The following PCM1 variants were observed in gnomAD, a reference collection of about 807,000 sequenced individuals.
The protein encoded by PCM1 is pericentriolar material 1 protein.
In PCM1, 157 loss-of-function variants were observed where a neutral mutation model predicts 241.9. The ratio of observed to expected loss-of-function variants is 0.65; its 90% CI spans 0.57 to 0.74. PCM1 has a LOEUF of 0.74. Among genes scored for constraint, PCM1 ranks in the 30% least tolerant of loss-of-function variants. The pLI is 0.00. For missense variants in PCM1, 3,478 were observed against 2,360.1 expected (o/e 1.47, Z -9.81); for synonymous variants, 1,085 against 784.9 (o/e 1.38, Z -6.39).
At chr8:17,987,157 G>C (rs1371448599) in intron 26 of PCM1, among the ~76,000 whole-genome samples, 1 of 151,850 alleles carries the variant, frequency 6.6e-6, no homozygotes, top group African/African-American at 2.4e-5. Context: ...TTTGCAATGT[G>C]AAATGTAAAT....
At chr8:18,023,187 G>A (rs138660796) in intron 36 of PCM1, among the ~76,000 whole-genome samples, 1 of 152,180 alleles carries the variant, frequency 6.6e-6, no homozygotes, top group East Asian at 1.9e-4. Context: ...CACCTATATG[G>A]TCTGGACACT....
At chr8:17,965,852 C>G in intron 18 of PCM1, 147 bp from the exon 19 acceptor site, 3 of 564,940 alleles carry the variant, frequency 5.3e-6, no homozygotes, top group Non-Finnish European at 9.3e-6. Flanking sequence ...CTGGACTTCT[C>G]CCCCCTCTAT....
At chr8:18,021,080 A>G (rs1243765278) in intron 36 of PCM1, among the ~76,000 whole-genome samples, 1 of 152,216 alleles carries the variant, frequency 6.6e-6, no homozygotes, top group East Asian at 1.9e-4. Flanking sequence ...AGATCAAATC[A>G]CTCAGGATAA....
chr8:17,968,255 A>G (rs1217839190), intron 21 of PCM1, among the ~76,000 whole-genome samples: 1 of 152,184 alleles, frequency 6.6e-6, no homozygotes, highest in Non-Finnish European at 1.5e-5. Flanking sequence ...GAAGAGTGGC[A>G]GAGAGATTTT....
chr8:17,944,655 A>G (rs775161252), intron 6 of PCM1, among the ~76,000 whole-genome samples: 6 of 152,162 alleles, frequency 3.9e-5, no homozygotes, highest in Non-Finnish European at 7.4e-5. Context: ...TTGGATTTCT[A>G]TTCCAGGTGC....
chr8:17,927,836 A>G (rs36021298), intron 2 of PCM1: 1 of 143,060 alleles, frequency 7.0e-6, no homozygotes, highest in South Asian at 2.3e-4. Flanking sequence ...AGCGTGAGCC[A>G]CCGCGCCCAG....
chr8:17,924,191 C>G (rs1563535525), intron 1 of PCM1, among the ~76,000 whole-genome samples: 1 of 152,158 alleles, frequency 6.6e-6, no homozygotes, highest in East Asian at 1.9e-4. Context: ...GGTGCACCTG[C>G]TCCTTTCTTT....
chr8:18,012,719 C>CTTTTCTCTCCTTCTGT (rs1227852130), intron 34 of PCM1, among the ~76,000 whole-genome samples: 1 of 152,050 alleles, frequency 6.6e-6, no homozygotes, highest in Non-Finnish European at 1.5e-5. Flanking sequence ...ACCATTTTCT[C>CTTTTCTCTCCTTCTGT]TTTTCTCTCC....
At chr8:17,947,637 G>A (rs1051125968) in intron 7 of PCM1, among the ~76,000 whole-genome samples, 5 of 152,148 alleles carry the variant, frequency 3.3e-5, no homozygotes, top group Non-Finnish European at 7.3e-5. Flanking sequence ...CTGTAGTTCT[G>A]TTTTTGTACC....
chr8:18,023,035 G>C (rs972691485), intron 36 of PCM1, among the ~76,000 whole-genome samples: 21 of 152,136 alleles, frequency 1.4e-4, no homozygotes, highest in Non-Finnish European at 4.4e-5. Flanking sequence ...CTACCTGGCA[G>C]TGTGCAGATG....
intron 8 of PCM1, among the ~76,000 whole-genome samples, chr8:17,951,060 C>T (rs913802142): frequency 2.6e-5 from 4 of 152,144 alleles, no homozygotes; most frequent in African/African-American, 4.8e-5. Flanking sequence ...ATGGTCACAA[C>T]GATTAAGACT....
chr8:18,025,347 TC>T lies in PCM1; in HGVS notation c.5842-13del. ...GATCTAGAGTATGTATTTTTTTTTT[TC>T]ATTACATTACAGGAAGCAGAATCTG... is the stretch of plus-strand genomic sequence containing the variant. On this transcript the variant is annotated splice_polypyrimidine_tract_variant and intron_variant, in intron 36 of 38. Coordinates refer to ENST00000325083, the MANE Select transcript of PCM1 (RefSeq NM_006197.4). The T allele has an allele frequency of 7.0e-7, 1 of 1,422,866 alleles. No homozygotes were observed. The highest frequency in any genetic ancestry group is 9.8e-7 in the Non-Finnish European group (1 of 1,019,512). The allele number at this position is 1,422,866 out of a possible 1,614,324, so 88.1% of individuals were successfully genotyped here.
intron 28 of PCM1, among the ~76,000 whole-genome samples, chr8:17,992,003 T>G (rs577294933): frequency 1.1e-3 from 160 of 152,338 alleles, no homozygotes; most frequent in African/African-American, 3.8e-3. Flanking sequence ...GGTCTCCAAC[T>G]CTACCCAGAT....
chr8:17,957,034 C>T (rs1207539859), intron 11 of PCM1, among the ~76,000 whole-genome samples: 1 of 152,044 alleles, frequency 6.6e-6, no homozygotes, highest in Non-Finnish European at 1.5e-5. Context: ...TAGCATTTTG[C>T]TGTCTTTTTC....
At chr8:17,950,980 G>T (rs887400639) in intron 8 of PCM1, among the ~76,000 whole-genome samples, 2 of 152,320 alleles carry the variant, frequency 1.3e-5, no homozygotes, top group East Asian at 3.9e-4. Flanking sequence ...TTACTTTGAA[G>T]GAAGTGATTA....
chr8:18,021,442 G>C (rs769313471), intron 36 of PCM1, among the ~76,000 whole-genome samples: 3 of 152,200 alleles, frequency 2.0e-5, no homozygotes, highest in Admixed American at 6.5e-5. Context: ...TGAGGTATCA[G>C]TACATTCTTG....
intron 2 of PCM1, among the ~76,000 whole-genome samples, chr8:17,928,187 C>A (rs1302342233): frequency 1.3e-5 from 2 of 152,148 alleles, no homozygotes. Context: ...AAATTTCAAC[C>A]TTGGGTGGAT....
chr8:17,986,252 T>G (rs532524887), intron 26 of PCM1, 165 bp downstream of exon 26: 1 of 463,514 alleles, frequency 2.2e-6, no homozygotes, highest in African/African-American at 2.0e-5. Flanking sequence ...CGAGATATAA[T>G]ATGCAATCAA....
At chr8:17,937,027 G>A in intron 3 of PCM1, 107 bp from the exon 4 acceptor site, 1 of 829,502 alleles carries the variant, frequency 1.2e-6, no homozygotes, top group Non-Finnish European at 1.8e-6. Flanking sequence ...TGTCAAAAAT[G>A]TCTTGTCTTT....
Sources: allele counts gnomAD v4.1 joint callset (sites outside exome capture counted in the v4.1 genomes callset), GRCh38; gene constraint gnomAD v4.1.1; transcripts MANE v1.5; gene names NCBI Gene and HGNC (gene_info 2026-07-23, HGNC 2026-07-21).